DTNA: variants seen among roughly 807,000 people sequenced by gnomAD.
The protein encoded by DTNA is dystrophin-related protein 3.
Under a neutral mutation model 100.7 loss-of-function variants are expected in DTNA, and 43 were observed. The observed-to-expected ratio is 0.43, with a 90% CI of 0.33 to 0.55. The LOEUF (loss-of-function observed/expected upper bound fraction) is 0.55, where lower values mean the gene tolerates loss of function less well. Ranked by LOEUF, DTNA falls within the 20% of genes least tolerant of loss-of-function variation. DTNA has a pLI of 0.04. For missense variants in DTNA, 798 were observed against 953.9 expected (o/e 0.84, Z 2.15); for synonymous variants, 349 against 347.9 (o/e 1.00, Z -0.04).
intron 3 of DTNA, among the ~76,000 whole-genome samples, chr18:34,786,957 G>A (rs79150212): frequency 0.098 from 14,952 of 152,060 alleles, 944 homozygotes; most frequent in South Asian, 0.15. Flanking sequence ...TTCAAGAAGC[G>A]CTTCTTATAC....
intron 14 of DTNA, among the ~76,000 whole-genome samples, chr18:34,851,428 A>G (rs1051783240): frequency 7.2e-5 from 11 of 152,170 alleles, no homozygotes; most frequent in Non-Finnish European, 1.6e-4. Flanking sequence ...ATTGTACATT[A>G]CAGTAATTGA....
chr18:34,617,062 G>C (rs2055444873), intron 1 of DTNA, among the ~76,000 whole-genome samples: 1 of 152,102 alleles, frequency 6.6e-6, no homozygotes, highest in African/African-American at 2.4e-5. Context: ...GATCATATCT[G>C]CAAGCAGGGA....
intron 9 of DTNA, chr18:34,822,307 A>G (rs1224761573): frequency 1.3e-5 from 2 of 152,200 alleles, no homozygotes; most frequent in East Asian, 1.9e-4. Flanking sequence ...CCCATAACCA[A>G]TTAGACACAA....
chr18:34,806,452 A>G lies in DTNA; in HGVS notation c.448+148A>G, dbSNP rs2095363083. ...AAATACATTTTTCACTGATGTTTGGATTTTGTCATAGCGATATTTTCATAT... is the reference window on the plus strand; with the variant it reads ...AAATACATTTTTCACTGATGTTTGGGTTTTGTCATAGCGATATTTTCATAT... On this transcript the variant is annotated intron_variant, in intron 5 of 22. Coordinates refer to ENST00000444659, the MANE Select transcript of DTNA (RefSeq NM_001386795.1). 5 of 729,392 alleles carry G rather than the reference A, an allele frequency of 6.9e-6. No homozygotes were observed. The Admixed American group carries it at 1.1e-4, about 16-fold the overall frequency. The allele number at this position is 729,392 out of a possible 1,614,324, so 45.2% of individuals were successfully genotyped here. A position where few individuals can be genotyped will look rare whatever the true frequency, so the allele number is the denominator to read the frequency against.
intron 1 of DTNA, among the ~76,000 whole-genome samples, chr18:34,545,937 C>A (rs2044733174): frequency 6.6e-6 from 1 of 152,074 alleles, no homozygotes; most frequent in Non-Finnish European, 1.5e-5. Flanking sequence ...CCCAAGCTTA[C>A]CTGGCTTTCT....
chr18:34,875,160 A>G, intron 17 of DTNA, 79 bp from the exon 18 acceptor site: 1 of 1,569,754 alleles, frequency 6.4e-7, no homozygotes, highest in Non-Finnish European at 8.7e-7. Context: ...CACTGTTTTC[A>G]ACAATCAACT....
chr18:34,699,008 G>T (rs2080997778), intron 1 of DTNA, among the ~76,000 whole-genome samples: 1 of 150,786 alleles, frequency 6.6e-6, no homozygotes, highest in Non-Finnish European at 1.5e-5. Flanking sequence ...AATCTAGTAT[G>T]ATCTCATTGT....
intron 1 of DTNA, among the ~76,000 whole-genome samples, chr18:34,572,620 A>G (rs1381986251): frequency 1.3e-5 from 2 of 152,126 alleles, no homozygotes; most frequent in African/African-American, 4.8e-5. Context: ...AATAAACCAT[A>G]TTATGTCTCC....
intron 11 of DTNA, among the ~76,000 whole-genome samples, chr18:34,831,421 A>G (rs896119233): frequency 7.2e-5 from 11 of 152,206 alleles, no homozygotes; most frequent in African/African-American, 1.9e-4. Flanking sequence ...GTTGAACACA[A>G]TCTAATGTGC....
intron 1 of DTNA, among the ~76,000 whole-genome samples, chr18:34,711,016 C>G (rs569104982): frequency 6.6e-6 from 1 of 152,100 alleles, no homozygotes; most frequent in Admixed American, 6.5e-5. Flanking sequence ...TTTAAAACAT[C>G]TATTATTTCT....
chr18:34,534,599 G>C (rs2043489877), intron 1 of DTNA, among the ~76,000 whole-genome samples: 1 of 151,822 alleles, frequency 6.6e-6, no homozygotes. Context: ...TAGGTTTTAA[G>C]CCCCATATGC....
chr18:34,803,917 A>C (rs1461548815), intron 4 of DTNA, among the ~76,000 whole-genome samples: 1 of 152,170 alleles, frequency 6.6e-6, no homozygotes, highest in African/African-American at 2.4e-5. Context: ...TTAGTCACTA[A>C]CTCTGTGTGA....
chr18:34,797,636 TAG>T (rs1175906900), intron 4 of DTNA, among the ~76,000 whole-genome samples: 3 of 152,188 alleles, frequency 2.0e-5, no homozygotes, highest in African/African-American at 7.2e-5. Flanking sequence ...TTGTAGGAAA[TAG>T]AGAGTAACTC....
intron 11 of DTNA, among the ~76,000 whole-genome samples, chr18:34,831,422 T>C (rs1327522348): frequency 1.3e-5 from 2 of 152,180 alleles, no homozygotes; most frequent in Non-Finnish European, 2.9e-5. Context: ...TTGAACACAA[T>C]CTAATGTGCT....
chr18:34,708,563 T>C (rs1321372575), upstream of DTNA, among the ~76,000 whole-genome samples: 2 of 152,216 alleles, frequency 1.3e-5, no homozygotes, highest in Non-Finnish European at 2.9e-5. Context: ...TTCTGACTGA[T>C]CAGTTGCTCC....
chr18:34,811,334 A>G (rs528126397), intron 5 of DTNA, among the ~76,000 whole-genome samples: 5 of 152,178 alleles, frequency 3.3e-5, no homozygotes, highest in South Asian at 2.1e-4. Context: ...CTTCCTCTTC[A>G]CTACACGAGT....
At chr18:34,658,988 T>C (rs1037258769) in intron 1 of DTNA, among the ~76,000 whole-genome samples, 1 of 152,230 alleles carries the variant, frequency 6.6e-6, no homozygotes, top group Non-Finnish European at 1.5e-5. Flanking sequence ...CACTGTTCTT[T>C]AGCTTAGAGA....
At chr18:34,841,623 G>C (rs1247389943) in intron 13 of DTNA, among the ~76,000 whole-genome samples, 1 of 152,146 alleles carries the variant, frequency 6.6e-6, no homozygotes, top group East Asian at 1.9e-4. Context: ...CATAGTCCTA[G>C]AAGGTTGGAT....
intron 1 of DTNA, among the ~76,000 whole-genome samples, chr18:34,601,900 A>G (rs1598903330): frequency 6.6e-6 from 1 of 152,316 alleles, no homozygotes; most frequent in South Asian, 2.1e-4. Flanking sequence ...AGAATGCAGA[A>G]AGTAAATGTG....
Sources: gnomAD v4.1 joint callset for allele counts (sites outside exome capture counted in the v4.1 genomes callset) on GRCh38, gnomAD v4.1.1 for gene constraint, MANE v1.5 for transcripts, NCBI Gene and HGNC (gene_info 2026-07-23, HGNC 2026-07-21) for gene names.